The following GIT2 variants were observed in gnomAD, a reference collection of about 807,000 sequenced individuals.
The protein encoded by GIT2 is ARF GTPase-activating protein GIT2.
Under a neutral mutation model 100.3 loss-of-function variants are expected in GIT2, and 32 were observed. The ratio of observed to expected loss-of-function variants is 0.32; its 90% CI spans 0.24 to 0.43. The LOEUF is 0.43. GIT2 is among the 20% of genes least tolerant of loss of function. GIT2 has a pLI of 1.00. For missense variants in GIT2, 737 were observed against 975.1 expected, an observed-to-expected ratio of 0.76 and a Z score of 3.25; for synonymous variants, 353 against 364.1, an observed-to-expected ratio of 0.97 and a Z score of 0.35.
chr12:109,988,848 CAA>C (rs59956597), intron 4 of GIT2, 113 bp downstream of exon 4: 17,474 of 200,116 alleles, frequency 0.087, no homozygotes, highest in Middle Eastern at 0.15. Flanking sequence ...GACTCTGTCT[CAA>C]AAAAAAAAAA....
chr12:109,952,978 A>T, intron 13 of GIT2, 114 bp downstream of exon 13: 1 of 955,788 alleles, frequency 1.0e-6, no homozygotes, highest in Non-Finnish European at 1.6e-6. Context: ...ACCTTGTTTC[A>T]CCTTTGCTTG....
chr12:109,987,659 G>A (rs576282427), intron 4 of GIT2, among the ~76,000 whole-genome samples: 47 of 151,930 alleles, frequency 3.1e-4, no homozygotes, highest in African/African-American at 1.1e-3. Flanking sequence ...GTAGAGACGG[G>A]GTTTCGCCAT....
Position 109,991,636 on chromosome 12 carries a change from T to G in GIT2, c.177A>C (p.Thr59=). The change falls in exon 2 of 20, where the codon ACA becomes ACC. Residue 59 remains threonine (T), a synonymous_variant. Transcript: ENST00000355312. ...RHLKHTPWPP[T]LLQMVETLYN... is the part of the protein sequence containing the mutation. ...AATTCTTATCCTTTACCTGAAGCAG[T>G]GTTGGAGGCCACGGTGTGTGTTTCA... is the stretch of plus-strand genomic sequence containing the variant. 1.2e-6 allele frequency: 2 copies of G among 1,612,982 alleles called. No individual in the cohort carries two copies. Among genetic ancestry groups the G allele is most frequent in the Non-Finnish European group, 1.7e-6 (2 of 1,178,948 alleles).
rs563566412 is a variant in GIT2 at position 109,996,271 on chromosome 12, A to C, written c.-47T>G. ...GGGAACTAGAGGCCGGGGGACAGCAAAGGCGGCGGTGGCGGCGGCGCTTCC... is the reference window on the plus strand; with the variant it reads ...GGGAACTAGAGGCCGGGGGACAGCACAGGCGGCGGTGGCGGCGGCGCTTCC... On this transcript the variant is annotated 5_prime_UTR_variant, in exon 1 of 20. Transcript: ENST00000355312. The C allele has an allele frequency of 7.2e-7, 1 of 1,386,286 alleles. No individual in the cohort carries two copies. The highest frequency in any genetic ancestry group is 2.8e-5 in the East Asian group (1 of 36,332). The allele number at this position is 1,386,286 out of a possible 1,614,324, so 85.9% of individuals were successfully genotyped here.
intron 16 of GIT2, among the ~76,000 whole-genome samples, chr12:109,944,071 C>T (rs1875592966): frequency 6.6e-6 from 1 of 152,156 alleles, no homozygotes; most frequent in Non-Finnish European, 1.5e-5. Context: ...ACTCAGAAGC[C>T]TGAAGTGGGA....
intron 18 of GIT2, among the ~76,000 whole-genome samples, chr12:109,936,215 G>C (rs1592940260): frequency 6.9e-6 from 1 of 144,268 alleles, no homozygotes; most frequent in East Asian, 2.0e-4. Flanking sequence ...TAAACCAAAA[G>C]AATGAGCTAA....
At chr12:109,939,280 G>A in intron 16 of GIT2, 33 bp from the exon 17 acceptor site, 4 of 1,217,402 alleles carry the variant, frequency 3.3e-6, no homozygotes, top group South Asian at 1.2e-5. Context: ...TCATGAGTTT[G>A]TAACATGAGA....
chr12:109,999,667 A>T, upstream of GIT2: 1 of 1,510,252 alleles, frequency 6.6e-7, no homozygotes, highest in Non-Finnish European at 8.9e-7. The surrounding 1 kb of genome is among the most constrained non-coding windows in gnomAD (Gnocchi z 4.3). Context: ...GGCGACGAGG[A>T]CCAGGTTACG....
chr12:109,991,860 A>T (rs193301425), intron 1 of GIT2, 100 bp from the exon 2 acceptor site: 10 of 1,099,598 alleles, frequency 9.1e-6, no homozygotes, highest in Non-Finnish European at 1.3e-5. Flanking sequence ...GAAAAAGGAG[A>T]CATTTTTGTT....
At chr12:109,942,446 G>C (rs914139969) in intron 16 of GIT2, among the ~76,000 whole-genome samples, 1 of 152,054 alleles carries the variant, frequency 6.6e-6, no homozygotes, top group Middle Eastern at 3.2e-3. Context: ...TGATTCTCCT[G>C]CCTAAGCCTC....
At chr12:109,953,045 C>T (rs1878361621) in intron 13 of GIT2, 47 bp downstream of exon 13, 5 of 1,604,958 alleles carry the variant, frequency 3.1e-6, no homozygotes, top group African/African-American at 1.3e-5. Flanking sequence ...AGGGCTAGCC[C>T]TCAGCTGATG....
Position 109,939,152 on chromosome 12 carries a change from C to T in GIT2, c.1814+13G>A, listed in dbSNP as rs1206255347. 19 of 1,567,852 alleles carry T rather than the reference C, an allele frequency of 1.2e-5. No individual in the cohort carries two copies. In the South Asian group the frequency reaches 1.8e-4, roughly 15 times the overall value. On this transcript the variant is annotated intron_variant, in intron 17 of 19. Transcript: ENST00000355312. The stretch of plus-strand genomic sequence containing the variant: ...GGAGCCCCTCCCCTGGCACGCTCGT[C>T]CTGTGCATGTACCCCATGCCATCTG...
intron 13 of GIT2, chr12:109,952,478 T>C: frequency 1.9e-6 from 1 of 518,886 alleles, no homozygotes; most frequent in East Asian, 5.5e-5. Flanking sequence ...CTGCACTGCC[T>C]GTGAGGCCCA....
In GIT2 at chr12:109,947,248, T is replaced by G. The variant is rs1253521172; in HGVS notation, c.1641+8A>C. 7 of 1,610,456 alleles carry G rather than the reference T, an allele frequency of 4.3e-6. No individual in the cohort carries two copies. The highest frequency in any genetic ancestry group is 1.3e-5 in the African/African-American group (1 of 74,832). On this transcript the variant is annotated splice_region_variant and intron_variant, in intron 15 of 19. Coordinates refer to ENST00000355312, the MANE Select transcript of GIT2 (RefSeq NM_057169.5). This position sits in a 1 kb window ranked among gnomAD's most constrained non-coding sequence, Gnocchi z 4.3. ...GTGAACAGCAGAAGCGCCAGTGGTG[T>G]TACTTACGTGCGCGGGGAAGGGCTG...
intron 18 of GIT2, among the ~76,000 whole-genome samples, chr12:109,936,784 C>T (rs941800648): frequency 1.3e-5 from 2 of 151,616 alleles, no homozygotes; most frequent in East Asian, 3.9e-4. Flanking sequence ...GCAGGAGGAT[C>T]GCTTGAGCCA....
At chr12:109,997,691 G>A (rs1889644218), upstream of GIT2, 1 of 152,186 alleles carries the variant, frequency 6.6e-6, no homozygotes, top group African/African-American at 2.4e-5. Flanking sequence ...TGGGAAAAAT[G>A]TGATACACCT....
At chr12:109,996,471 C>G (rs1466506045), upstream of GIT2, 2 of 491,966 alleles carry the variant, frequency 4.1e-6, no homozygotes, top group South Asian at 2.8e-5. Flanking sequence ...GGAGACTGCC[C>G]GAGTATCATC....
rs377673512 is a variant in GIT2, at chr12:109,959,860, G to A, written c.1086C>T (p.Leu362=). The change falls in exon 12 of 20, where the codon CTC becomes CTT. Residue 362 remains leucine (L), a synonymous_variant. Transcript: ENST00000355312. ...DAKRRQQGSS[L]SGSKDNVELI... ...TTGAGCAGTTACCTTTTGAACCCGA[G>A]AGAGAACTGCCCTGCTGTCTCCTCT... 44 of 1,607,632 alleles carry A rather than the reference G, an allele frequency of 2.7e-5. No individual in the cohort carries two copies. Among genetic ancestry groups the A allele is most frequent in the Admixed American group, 3.3e-5 (2 of 59,980 alleles).
intron 8 of GIT2, 93 bp downstream of exon 8, chr12:109,967,364 CT>C: frequency 5.7e-6 from 9 of 1,569,368 alleles, no homozygotes; most frequent in Non-Finnish European, 7.9e-6. Context: ...AATGTATGGG[CT>C]TTGTTAAACA....
Sources: gnomAD v4.1 joint callset for allele counts (sites outside exome capture counted in the v4.1 genomes callset) on GRCh38, gnomAD v4.1.1 for gene constraint, Gnocchi (gnomAD v3.1) non-coding constraint, MANE v1.5 for transcripts, NCBI Gene and HGNC (gene_info 2026-07-23, HGNC 2026-07-21) for gene names.